The following FBXW11 variants were observed in gnomAD, a reference collection of about 807,000 sequenced individuals.
FBXW11 encodes F-box and WD repeat domain containing 11, also known as F-box/WD repeat-containing protein 11.
FBXW11 carries 19 observed loss-of-function variants against 77.6 expected under a neutral mutation model. The ratio of observed to expected loss-of-function variants is 0.24; its 90% CI spans 0.17 to 0.36. The LOEUF is 0.36. FBXW11 is among the 10% of genes least tolerant of loss of function. The pLI is 1.00. For missense variants in FBXW11, 334 were observed against 704.2 expected (o/e 0.47, Z 5.95); for synonymous variants, 235 against 249.4 (o/e 0.94, Z 0.54).
chr5:171,989,695 T>TAACCAAATAC (rs1378605195), intron 1 of FBXW11, among the ~76,000 whole-genome samples: 7 of 152,194 alleles, frequency 4.6e-5, no homozygotes, highest in African/African-American at 1.7e-4. Flanking sequence ...ACAAGAAACA[T>TAACCAAATAC]AACCAAATAC....
At position 171,891,500 on chromosome 5, in the gene FBXW11, T is replaced by C; in HGVS notation, c.819A>G (p.Lys273=). 8 of 1,598,620 alleles carry C rather than the reference T, an allele frequency of 5.0e-6. No individual in the cohort carries two copies. The highest frequency in any genetic ancestry group is 6.8e-6 in the Non-Finnish European group (8 of 1,173,724). The stretch of plus-strand genomic sequence containing the variant: ...AATTATCTCGTAGGCCACTGATAAT[T>C]TTTTCATCATCGTACTGTAAACAGT... ...GVYCLQYDDE[K]IISGLRDNSI... Residue 273 remains lysine, a synonymous_variant, in exon 7 of 14, where the codon AAA becomes AAG. Coordinates refer to ENST00000517395, the MANE Select transcript of FBXW11 (RefSeq NM_001378974.1).
intron 3 of FBXW11, among the ~76,000 whole-genome samples, chr5:171,912,947 T>C (rs1760976034): frequency 6.6e-6 from 1 of 151,226 alleles, no homozygotes; most frequent in African/African-American, 2.4e-5. Context: ...CAACAGAACA[T>C]GCTTATGAAA....
chr5:171,909,715 G>A (rs541979155), intron 4 of FBXW11, among the ~76,000 whole-genome samples: 16 of 152,256 alleles, frequency 1.1e-4, no homozygotes, highest in Middle Eastern at 3.4e-3. Flanking sequence ...GTGCACGTGC[G>A]CGCGTGCATG....
intron 2 of FBXW11, among the ~76,000 whole-genome samples, chr5:171,916,959 T>C (rs1441199719): frequency 6.6e-6 from 1 of 152,168 alleles, no homozygotes; most frequent in Non-Finnish European, 1.5e-5. Context: ...TCTTGCTCTG[T>C]CGCCAGGCTG....
intron 1 of FBXW11, among the ~76,000 whole-genome samples, chr5:171,974,705 G>C (rs1156704335): frequency 6.6e-6 from 1 of 152,084 alleles, no homozygotes; most frequent in Admixed American, 6.6e-5. Context: ...ACTTCAGCCT[G>C]GGCAACATAA....
At position 171,876,098 on chromosome 5, in the gene FBXW11, C is replaced by G. The variant is rs1053155127; in HGVS notation, c.1221+187G>C. Among the ~76,000 whole-genome samples, 1 of 152,166 alleles carries G rather than the reference C, an allele frequency of 6.6e-6. No individual in the cohort carries two copies. Among genetic ancestry groups the G allele is most frequent in the Non-Finnish European group, 1.5e-5 (1 of 68,034 alleles). On this transcript the variant is annotated intron_variant, in intron 9 of 13. Coordinates refer to ENST00000517395, the MANE Select transcript of FBXW11 (RefSeq NM_001378974.1). This position sits in a 1 kb window ranked among gnomAD's most constrained non-coding sequence, Gnocchi z 4.2. Reference sequence around the variant, plus strand: ...CAGAAGACTGTTCTCTCTTCTGGACCGATGGCTTTTCCTCCTACCTTGCCT... The same window carrying G: ...CAGAAGACTGTTCTCTCTTCTGGACGGATGGCTTTTCCTCCTACCTTGCCT...
At chr5:171,868,981 C>T (rs905956235) in intron 12 of FBXW11, among the ~76,000 whole-genome samples, 185 bp from the exon 13 acceptor site, 1 of 152,172 alleles carries the variant, frequency 6.6e-6, no homozygotes, top group African/African-American at 2.4e-5. Flanking sequence ...TCCTGCTAGG[C>T]CTTTTCTTTC....
chr5:171,907,952 T>C (rs999294121), intron 4 of FBXW11, among the ~76,000 whole-genome samples: 6 of 152,180 alleles, frequency 3.9e-5, no homozygotes, highest in Non-Finnish European at 8.8e-5. Context: ...GTGAGTTCCC[T>C]GGCCCTCTAA....
intron 7 of FBXW11, among the ~76,000 whole-genome samples, chr5:171,878,553 A>AGTGTGTGTGTGTGTGTGTGTGTGT (rs34933781): frequency 2.5e-4 from 26 of 105,390 alleles, no homozygotes; most frequent in Admixed American, 6.5e-4. Context: ...TCTCCATAAG[A>AGTGTGTGTGTGTGTGTGTGTGTGT]GTGTGTGAGT....
At chr5:172,000,424 T>G (rs1766345516) in intron 1 of FBXW11, among the ~76,000 whole-genome samples, 1 of 152,232 alleles carries the variant, frequency 6.6e-6, no homozygotes, top group Non-Finnish European at 1.5e-5. Context: ...TACGCCAAAT[T>G]GGTAGTCATT....
intron 4 of FBXW11, among the ~76,000 whole-genome samples, chr5:171,900,850 G>A (rs1289498219): frequency 6.6e-6 from 1 of 152,016 alleles, no homozygotes; most frequent in Non-Finnish European, 1.5e-5. Flanking sequence ...ACGATACAAG[G>A]ATACTCTCAA....
chr5:171,962,196 C>T (rs749234442), intron 1 of FBXW11, among the ~76,000 whole-genome samples: 1 of 151,986 alleles, frequency 6.6e-6, no homozygotes, highest in Non-Finnish European at 1.5e-5. Context: ...CCAATTTTAA[C>T]AAATACTTAT....
chr5:171,943,739 G>A (rs1298241191), intron 2 of FBXW11, among the ~76,000 whole-genome samples: 5 of 152,180 alleles, frequency 3.3e-5, no homozygotes, highest in Non-Finnish European at 5.9e-5. Context: ...GTGAGCCACC[G>A]GGCATGGCCT....
intron 7 of FBXW11, among the ~76,000 whole-genome samples, chr5:171,891,097 T>A (rs951493911): frequency 6.6e-6 from 1 of 152,198 alleles, no homozygotes; most frequent in African/African-American, 2.4e-5. Flanking sequence ...TGCTCTATCA[T>A]TCTGTGGTAT....
intron 1 of FBXW11, among the ~76,000 whole-genome samples, chr5:171,978,241 A>C (rs1764945413): frequency 6.6e-6 from 1 of 152,228 alleles, no homozygotes; most frequent in Admixed American, 6.5e-5. Context: ...GACAAGACTC[A>C]GGAGGAAAAC....
At chr5:171,871,883 G>A (rs1008785030) in intron 10 of FBXW11, among the ~76,000 whole-genome samples, 68 of 152,150 alleles carry the variant, frequency 4.5e-4, no homozygotes, top group African/African-American at 1.6e-3. Context: ...CTATAAGCTG[G>A]AGAGTAATAC....
At chr5:171,951,109 T>G (rs1763289798) in intron 2 of FBXW11, among the ~76,000 whole-genome samples, 1 of 152,088 alleles carries the variant, frequency 6.6e-6, no homozygotes. Flanking sequence ...CTGATATTCC[T>G]TGACCAAGCA....
At chr5:171,893,678 T>G (rs1197893515) in intron 6 of FBXW11, among the ~76,000 whole-genome samples, 1 of 152,174 alleles carries the variant, frequency 6.6e-6, no homozygotes, top group African/African-American at 2.4e-5. Context: ...AAGTCTAATT[T>G]GTGGCCAGTG....
intron 7 of FBXW11, among the ~76,000 whole-genome samples, chr5:171,883,729 T>A (rs994020401): frequency 2.0e-5 from 3 of 152,172 alleles, no homozygotes; most frequent in African/African-American, 7.2e-5. Context: ...CTGATCATTT[T>A]ATCATGTTTG....
Sources: gnomAD v4.1 joint callset for allele counts (sites outside exome capture counted in the v4.1 genomes callset) on GRCh38, gnomAD v4.1.1 for gene constraint, Gnocchi (gnomAD v3.1) non-coding constraint, MANE v1.5 for transcripts, NCBI Gene and HGNC (gene_info 2026-07-23, HGNC 2026-07-21) for gene names.